Variants in CTIF observed in about 807,000 individuals in gnomAD.
CTIF encodes the protein CBP80/20-dependent translation initiation factor.
CTIF carries 21 observed loss-of-function variants against 66.0 expected under a neutral mutation model. The ratio of observed to expected loss-of-function variants is 0.32; its 90% CI spans 0.23 to 0.46. CTIF has a LOEUF of 0.46. CTIF is among the 20% of genes least tolerant of loss of function. The probability of loss-of-function intolerance (pLI) is 1.00; values close to 1 mark genes in which losing one functional copy is unlikely to be tolerated. For missense variants in CTIF, 739 were observed against 812.7 expected (o/e 0.91, Z 1.10); for synonymous variants, 345 against 326.4 (o/e 1.06, Z -0.62).
At chr18:48,670,778 C>T (rs1274024137) in intron 6 of CTIF, 34 bp downstream of exon 6, 5 of 1,570,660 alleles carry the variant, frequency 3.2e-6, no homozygotes, top group Admixed American at 3.3e-5. Context: ...AACAGCCCAC[C>T]CCCACCCCTG....
At chr18:48,609,649 T>A (rs754642671) in intron 1 of CTIF, among the ~76,000 whole-genome samples, 2 of 152,168 alleles carry the variant, frequency 1.3e-5, no homozygotes, top group Non-Finnish European at 2.9e-5. Flanking sequence ...AAGCATGATG[T>A]CACCCTATTT....
intron 9 of CTIF, among the ~76,000 whole-genome samples, chr18:48,803,246 C>T (rs766474119): frequency 9.9e-5 from 15 of 152,234 alleles, no homozygotes; most frequent in Non-Finnish European, 2.1e-4. Context: ...TTCCCAGCCA[C>T]AGTGTGTGCC....
chr18:48,559,693 A>T (rs529036831), intron 1 of CTIF, among the ~76,000 whole-genome samples: 1 of 152,236 alleles, frequency 6.6e-6, no homozygotes, highest in South Asian at 2.1e-4. Context: ...GTTCTTCTCC[A>T]TGCAGGTTTC....
chr18:48,798,714 G>A (rs957871189), intron 9 of CTIF, among the ~76,000 whole-genome samples: 1 of 152,198 alleles, frequency 6.6e-6, no homozygotes, highest in African/African-American at 2.4e-5. Context: ...TGTGTCCTGA[G>A]AAGTTGTCCC....
intron 10 of CTIF, chr18:48,826,717 C>G (rs149489955): frequency 1.3e-5 from 2 of 152,190 alleles, no homozygotes; most frequent in Non-Finnish European, 2.9e-5. Flanking sequence ...GCATGTTGCT[C>G]GGAGTCTGTG....
chr18:48,654,677 A>C (rs112869660), intron 3 of CTIF, among the ~76,000 whole-genome samples: 2,869 of 152,360 alleles, frequency 0.019, 105 homozygotes, highest in African/African-American at 0.066. Context: ...ATGCACACGT[A>C]TGTTTGTTGC....
chr18:48,616,289 G>A lies in CTIF; in HGVS notation c.-28-3249G>A, dbSNP rs571906055. On this transcript the variant is annotated intron_variant, in intron 1 of 11. Transcript: ENST00000256413. The stretch of plus-strand genomic sequence containing the variant: ...TTTTCAGCCCTCTCTGGACATCGGC[G>A]GTTTTATTCCCATCCAGCGGAGGCC... 1.2e-4 allele frequency among the ~76,000 whole-genome samples: 19 copies of A among 152,374 alleles called. No homozygotes were observed. The East Asian group carries it at 2.5e-3, about 20-fold the overall frequency.
At chr18:48,859,060 G>T (rs930993659) in intron 11 of CTIF, among the ~76,000 whole-genome samples, 1 of 152,180 alleles carries the variant, frequency 6.6e-6, no homozygotes, top group Non-Finnish European at 1.5e-5. Context: ...GGGTAAAAGG[G>T]ACAAGAGGCA....
chr18:48,822,344 G>A (rs921743871), intron 10 of CTIF, among the ~76,000 whole-genome samples: 3 of 152,080 alleles, frequency 2.0e-5, no homozygotes, highest in Admixed American at 1.3e-4. Flanking sequence ...CTATGTCTTA[G>A]GGACATTTCA....
intron 9 of CTIF, among the ~76,000 whole-genome samples, chr18:48,777,922 C>T (rs1910843437): frequency 1.3e-5 from 2 of 152,210 alleles, no homozygotes; most frequent in South Asian, 2.1e-4. Context: ...GGTGTCAGCT[C>T]CTTCCACACC....
chr18:48,659,462 G>A (rs549284170), intron 3 of CTIF, among the ~76,000 whole-genome samples: 43 of 152,254 alleles, frequency 2.8e-4, no homozygotes, highest in Admixed American at 2.0e-3. Context: ...TCACAGCTCC[G>A]GGGGTGCTGT....
intron 2 of CTIF, among the ~76,000 whole-genome samples, chr18:48,632,914 A>G (rs531947227): frequency 1.3e-5 from 2 of 152,248 alleles, no homozygotes; most frequent in South Asian, 2.1e-4. Flanking sequence ...GCAAATGTAC[A>G]GTTATGGATG....
intron 9 of CTIF, among the ~76,000 whole-genome samples, chr18:48,811,725 C>A (rs1012359424): frequency 2.0e-5 from 3 of 152,154 alleles, no homozygotes; most frequent in African/African-American, 7.2e-5. Flanking sequence ...CACGTTGCAG[C>A]ATGTGTCAGA....
rs2069432636 is a variant in CTIF at position 48,860,197 on chromosome 18, G to GTGAC, written c.*638_*639insTGAC. ...AGCCCCCACAGCCTCAGGCCTAGGG[G>GTGAC]GTCAGGCGCAGCGGGGGAGATGGAG... On this transcript the variant is annotated 3_prime_UTR_variant, in exon 12 of 12. Transcript: ENST00000256413. The GTGAC allele has an allele frequency of 5.9e-6, 2 of 340,392 alleles. No homozygotes were observed. Among genetic ancestry groups the GTGAC allele is most frequent in the Admixed American group, 7.7e-5 (2 of 26,048 alleles). The allele number at this position is 340,392 out of a possible 1,614,324, so 21.1% of individuals were successfully genotyped here. A position where few individuals can be genotyped will look rare whatever the true frequency, so the allele number is the denominator to read the frequency against.
intron 9 of CTIF, among the ~76,000 whole-genome samples, chr18:48,783,785 A>G (rs1404866289): frequency 1.3e-5 from 2 of 151,606 alleles, no homozygotes; most frequent in African/African-American, 4.9e-5. Context: ...AGGCCGGGGG[A>G]AACCTGCGGA....
At chr18:48,543,786 T>C (rs2088682035) in intron 1 of CTIF, among the ~76,000 whole-genome samples, 1 of 152,208 alleles carries the variant, frequency 6.6e-6, no homozygotes, top group South Asian at 2.1e-4. Context: ...CGTAATGCTT[T>C]CTGGAAAAAA....
chr18:48,850,169 G>A (rs1458234028), intron 10 of CTIF, among the ~76,000 whole-genome samples: 2 of 152,136 alleles, frequency 1.3e-5, no homozygotes, highest in Non-Finnish European at 2.9e-5. Context: ...TTCGGGGCTC[G>A]TCCGTGTTGT....
At chr18:48,566,709 C>T (rs985024363) in intron 1 of CTIF, 1 of 152,118 alleles carries the variant, frequency 6.6e-6, no homozygotes, top group African/African-American at 2.4e-5. Flanking sequence ...AGAAAAGCAT[C>T]CATTGCCTTT....
chr18:48,590,276 C>T (rs904664449), intron 1 of CTIF, among the ~76,000 whole-genome samples: 25 of 152,164 alleles, frequency 1.6e-4, no homozygotes, highest in African/African-American at 6.0e-4. Flanking sequence ...AGAACACTGG[C>T]CCGGAGCCAG....
Sources: allele counts gnomAD v4.1 joint callset (sites outside exome capture counted in the v4.1 genomes callset), GRCh38; gene constraint gnomAD v4.1.1; transcripts MANE v1.5; gene names NCBI Gene and HGNC (gene_info 2026-07-23, HGNC 2026-07-21).